The following ARFGEF3 variants were observed in gnomAD, a reference collection of about 807,000 sequenced individuals.
ARFGEF3 encodes the protein ARFGEF family member 3.
In ARFGEF3, 96 loss-of-function variants were observed where a neutral mutation model predicts 221.7. The observed-to-expected ratio is 0.43, with a 90% CI of 0.37 to 0.51. ARFGEF3 has a LOEUF of 0.51. ARFGEF3 is among the 20% of genes least tolerant of loss of function. The pLI, the probability that ARFGEF3 is intolerant of heterozygous loss-of-function variation, is 0.00. For missense variants in ARFGEF3, 2,410 were observed against 2,789.9 expected, an observed-to-expected ratio of 0.86 and a Z score of 3.07; for synonymous variants, 1,145 against 1,126.8, an observed-to-expected ratio of 1.02 and a Z score of -0.32.
At chr6:138,255,170 A>G (rs1302155119) in intron 9 of ARFGEF3, among the ~76,000 whole-genome samples, 1 of 152,224 alleles carries the variant, frequency 6.6e-6, no homozygotes, top group African/African-American at 2.4e-5. Flanking sequence ...GCCATTTAGC[A>G]TTTTGAGTCC....
chr6:138,178,021 CA>C (rs1164028309), intron 2 of ARFGEF3, among the ~76,000 whole-genome samples: 1 of 152,116 alleles, frequency 6.6e-6, no homozygotes, highest in East Asian at 1.9e-4. Flanking sequence ...GAGGGTGTCA[CA>C]TTACCTTACT....
intron 1 of ARFGEF3, among the ~76,000 whole-genome samples, chr6:138,164,904 A>T (rs1431589141): frequency 1.3e-5 from 2 of 152,042 alleles, no homozygotes; most frequent in African/African-American, 4.8e-5. Flanking sequence ...GGGGAGGTCA[A>T]CCGCTACTTA....
intron 12 of ARFGEF3, among the ~76,000 whole-genome samples, chr6:138,265,946 T>C (rs1306237254): frequency 6.6e-6 from 1 of 152,064 alleles, no homozygotes; most frequent in African/African-American, 2.4e-5. Flanking sequence ...CCAGGCATGA[T>C]GGCTCACACC....
chr6:138,236,999 CTT>C (rs55774107), intron 5 of ARFGEF3, among the ~76,000 whole-genome samples: 1 of 145,934 alleles, frequency 6.9e-6, no homozygotes, highest in Non-Finnish European at 1.5e-5. Context: ...AGAAGACTGC[CTT>C]TTTTTTTTTT....
At chr6:138,166,389 T>C (rs1224541916) in intron 1 of ARFGEF3, among the ~76,000 whole-genome samples, 1 of 152,238 alleles carries the variant, frequency 6.6e-6, no homozygotes, top group Non-Finnish European at 1.5e-5. Context: ...TTGCAAAAGG[T>C]CATACCGCAT....
rs185384141 is a variant in ARFGEF3 at position 138,336,996 on chromosome 6, T to A, written c.*510T>A. ...TGGCTGGGAAGAAGACAACTATAAA[T>A]ACATATTCTTGGGTGTCATAATCAA... On this transcript the variant is annotated 3_prime_UTR_variant, in exon 34 of 34. Transcript: ENST00000251691. 3 of 152,754 alleles carry A rather than the reference T, an allele frequency of 2.0e-5. No homozygotes were observed. Among genetic ancestry groups the A allele is most frequent in the African/African-American group, 7.2e-5 (3 of 41,574 alleles). The allele number at this position is 152,754 out of a possible 1,614,324, so 9.5% of individuals were successfully genotyped here.
At chr6:138,267,054 A>G (rs867752661) in intron 12 of ARFGEF3, among the ~76,000 whole-genome samples, 2 of 152,130 alleles carry the variant, frequency 1.3e-5, no homozygotes, top group African/African-American at 4.8e-5. Flanking sequence ...AGCCCAGCAA[A>G]CATTGTTAGT....
intron 12 of ARFGEF3, among the ~76,000 whole-genome samples, chr6:138,264,244 A>G (rs921583874): frequency 2.0e-5 from 3 of 152,242 alleles, no homozygotes; most frequent in African/African-American, 7.2e-5. Flanking sequence ...GCAGAAGAGA[A>G]TCACTTAGAG....
intron 4 of ARFGEF3, among the ~76,000 whole-genome samples, chr6:138,223,225 T>G (rs926446295): frequency 6.6e-6 from 1 of 152,244 alleles, no homozygotes; most frequent in African/African-American, 2.4e-5. Flanking sequence ...AATTTTCTGT[T>G]CTTGCTGCCG....
At chr6:138,324,424 T>C (rs1167036742) in intron 31 of ARFGEF3, among the ~76,000 whole-genome samples, 1 of 152,232 alleles carries the variant, frequency 6.6e-6, no homozygotes, top group Non-Finnish European at 1.5e-5. Context: ...CTGTCCTTTA[T>C]AGGTAACTTG....
chr6:138,278,587 G>A lies in ARFGEF3; in HGVS notation c.2265G>A (p.Arg755=), dbSNP rs762678474. The change falls in exon 13 of 34, where the codon AGG becomes AGA. Residue 755 remains arginine, a synonymous_variant. Coordinates refer to ENST00000251691, the MANE Select transcript of ARFGEF3 (RefSeq NM_020340.5). ...AGCTCTCCCACGGTGACTACTACAG[G>A]AAGCGGCCGACCCTGGCGCCAGGCG... ...NLKLSHGDYY[R]KRPTLAPGVM... is the part of the protein sequence containing the mutation. 3.1e-6 allele frequency: 5 copies of A among 1,613,838 alleles called. No homozygotes were observed. Among genetic ancestry groups the A allele is most frequent in the Non-Finnish European group, 4.2e-6 (5 of 1,179,900 alleles).
Position 138,228,276 on chromosome 6 carries a change from A to G in ARFGEF3, c.352-1508A>G, listed in dbSNP as rs540961491. Among the ~76,000 whole-genome samples, 15 of 148,584 alleles carry G rather than the reference A, an allele frequency of 1.0e-4. No homozygotes were observed. The South Asian group carries it at 2.1e-3, about 21-fold the overall frequency. ...ACTGCAACCTCCGCCTCCCGGGTTCAAGTGATTCTCCTGCCTCAGCCTCCC... is the reference window on the plus strand; with the variant it reads ...ACTGCAACCTCCGCCTCCCGGGTTCGAGTGATTCTCCTGCCTCAGCCTCCC... On this transcript the variant is annotated intron_variant, in intron 4 of 33. Coordinates refer to ENST00000251691, the MANE Select transcript of ARFGEF3 (RefSeq NM_020340.5).
intron 31 of ARFGEF3, among the ~76,000 whole-genome samples, chr6:138,324,730 CT>C (rs1780098529): frequency 6.6e-6 from 1 of 152,288 alleles, no homozygotes; most frequent in East Asian, 1.9e-4. Context: ...GTATATTTAC[CT>C]TGGTATTTTT....
intron 2 of ARFGEF3, among the ~76,000 whole-genome samples, chr6:138,195,622 A>G (rs1318934882): frequency 6.6e-6 from 1 of 152,220 alleles, no homozygotes; most frequent in Non-Finnish European, 1.5e-5. Context: ...CTATAGATGT[A>G]CTGTGATTTG....
Position 138,338,010 on chromosome 6 carries a change from G to C in ARFGEF3, c.*1524G>C, listed in dbSNP as rs893355605. ...TTGAGAAATATGGAACTACCTTAGA[G>C]GTTAAGAGGAAGGCAGTGTTCTGAC... On this transcript the variant is annotated 3_prime_UTR_variant, in exon 34 of 34. Transcript: ENST00000251691. The C allele has an allele frequency of 1.3e-5, 2 of 152,140 alleles. No individual in the cohort carries two copies. The highest frequency in any genetic ancestry group is 4.8e-5 in the African/African-American group (2 of 41,426). 9.4% of individuals were successfully genotyped at this position (152,140 alleles called of 1,614,324 possible).
At chr6:138,170,544 T>C (rs1776807761) in intron 1 of ARFGEF3, 118 bp from the exon 2 acceptor site, 4 of 622,352 alleles carry the variant, frequency 6.4e-6, no homozygotes, top group Non-Finnish European at 8.5e-6. Context: ...TAGTTGAGAA[T>C]TGACTAGTTT....
chr6:138,299,198 TAAAAAAAA>T (rs60475752), intron 22 of ARFGEF3, among the ~76,000 whole-genome samples: 1,271 of 39,426 alleles, frequency 0.032, 21 homozygotes, highest in African/African-American at 0.078. Flanking sequence ...CGAGACTCTG[TAAAAAAAA>T]AAAAAAAAAA....
chr6:138,237,210 G>A lies in ARFGEF3; in HGVS notation c.421-1299G>A, dbSNP rs528227866. ...CAGAAGCAGCAACAAAGATTAAAAT[G>A]TAGTCTCTTGCCCATCTCAGTTGTC... On this transcript the variant is annotated intron_variant, in intron 5 of 33. Coordinates refer to ENST00000251691, the MANE Select transcript of ARFGEF3 (RefSeq NM_020340.5). 3.9e-5 allele frequency among the ~76,000 whole-genome samples: 6 copies of A among 152,296 alleles called. No homozygotes were observed. The South Asian group carries it at 1.2e-3, about 32-fold the overall frequency.
At position 138,335,086 on chromosome 6, in the gene ARFGEF3, C is replaced by T. The variant is rs768976922; in HGVS notation, c.6240C>T (p.Phe2080=). Residue 2080 remains phenylalanine, a synonymous_variant, in exon 33 of 34, where the codon TTC becomes TTT. Transcript: ENST00000251691. ...ACCAAGGGCAAATGCGGCATTCCTTCAGCGCAGGCCCCGAGCTGCTGCGAC... is the reference window on the plus strand; with the variant it reads ...ACCAAGGGCAAATGCGGCATTCCTTTAGCGCAGGCCCCGAGCTGCTGCGAC... ...LMDQGQMRHS[F]SAGPELLRQD... 2 of 1,600,622 alleles carry T rather than the reference C, an allele frequency of 1.2e-6. No individual in the cohort carries two copies. The highest frequency in any genetic ancestry group is 1.7e-6 in the Non-Finnish European group (2 of 1,174,330).
Sources: gnomAD v4.1 joint callset for allele counts (sites outside exome capture counted in the v4.1 genomes callset) on GRCh38, gnomAD v4.1.1 for gene constraint, MANE v1.5 for transcripts, NCBI Gene and HGNC (gene_info 2026-07-23, HGNC 2026-07-21) for gene names.